SEMA6D: variants seen among roughly 807,000 people sequenced by gnomAD.
SEMA6D encodes semaphorin-6D.
A neutral mutation model predicts 106.6 loss-of-function variants in SEMA6D; 35 were observed. That is an observed-to-expected ratio of 0.33 (90% CI 0.25 to 0.44). The LOEUF is 0.44. SEMA6D is among the 20% of genes least tolerant of loss of function. The pLI, the probability that SEMA6D is intolerant of heterozygous loss-of-function variation, is 1.00. For synonymous variants in SEMA6D, 499 were observed against 487.7 expected, an observed-to-expected ratio of 1.02 and a Z score of -0.31; for missense variants, 1,185 against 1,345.9, an observed-to-expected ratio of 0.88 and a Z score of 1.87.
chr15:47,731,644 A>G (rs1480801892), intron 1 of SEMA6D, among the ~76,000 whole-genome samples: 3 of 152,346 alleles, frequency 2.0e-5, no homozygotes, highest in Middle Eastern at 3.4e-3. Flanking sequence ...GTAACTTCCA[A>G]TGCATAAAAA....
intron 1 of SEMA6D, among the ~76,000 whole-genome samples, chr15:47,233,984 G>T (rs942746843): frequency 9.9e-5 from 15 of 151,946 alleles, no homozygotes; most frequent in African/African-American, 3.6e-4. Flanking sequence ...GGACATTCTT[G>T]CTGTGTCCCT....
intron 4 of SEMA6D, among the ~76,000 whole-genome samples, chr15:47,661,186 G>C (rs919135402): frequency 6.6e-6 from 1 of 152,152 alleles, no homozygotes; most frequent in African/African-American, 2.4e-5. Context: ...ATTCCCTGGG[G>C]AAACTGTTTC....
In SEMA6D at chr15:47,217,200, A is replaced by G. The variant is rs570328017; in HGVS notation, c.-239+32782A>G. Among the ~76,000 whole-genome samples the G allele has an allele frequency of 5.3e-5, 8 of 152,282 alleles. No homozygotes were observed. The South Asian group carries it at 1.7e-3, about 32-fold the overall frequency. Reference sequence around the variant, plus strand: ...TTTGTTATAGCAGCCCAAATAGACTAAGACAGAAGCCATGTCAGACATTAT... The same window carrying G: ...TTTGTTATAGCAGCCCAAATAGACTGAGACAGAAGCCATGTCAGACATTAT... On this transcript the variant is annotated intron_variant, in intron 1 of 19. Coordinates refer to the SEMA6D transcript ENST00000558014.
chr15:47,548,910 T>TACAAAATATAATATCAGTATTATC (rs1381856686), intron 3 of SEMA6D, among the ~76,000 whole-genome samples: 7 of 152,104 alleles, frequency 4.6e-5, no homozygotes, highest in African/African-American at 1.7e-4. Context: ...TTAGTATTAT[T>TACAAAATATAATATCAGTATTATC]ACTAAATATA....
At chr15:47,426,107 T>G (rs2041328958) in intron 2 of SEMA6D, among the ~76,000 whole-genome samples, 1 of 152,172 alleles carries the variant, frequency 6.6e-6, no homozygotes, top group African/African-American at 2.4e-5. Context: ...TTTGATAGGT[T>G]TCCAAATTCT....
chr15:47,552,012 T>A (rs1029535768), intron 3 of SEMA6D, among the ~76,000 whole-genome samples: 1 of 151,734 alleles, frequency 6.6e-6, no homozygotes, highest in Non-Finnish European at 1.5e-5. Flanking sequence ...CTTGTGGGCT[T>A]GTGGGACTCC....
intron 1 of SEMA6D, among the ~76,000 whole-genome samples, chr15:47,211,135 A>G (rs992743725): frequency 2.0e-5 from 3 of 152,174 alleles, no homozygotes. Flanking sequence ...TAATAATATA[A>G]TAATGATTGC....
chr15:47,293,340 T>A (rs975973371), intron 1 of SEMA6D, among the ~76,000 whole-genome samples: 3 of 152,222 alleles, frequency 2.0e-5, no homozygotes, highest in South Asian at 4.1e-4. Flanking sequence ...TTGGTCTTAT[T>A]CTTTAATTCC....
At chr15:47,466,370 C>A (rs1371478679) in intron 2 of SEMA6D, among the ~76,000 whole-genome samples, 3 of 152,126 alleles carry the variant, frequency 2.0e-5, no homozygotes, top group Non-Finnish European at 4.4e-5. Context: ...ATAGGTTAGG[C>A]TTCTTTAGTT....
intron 1 of SEMA6D, among the ~76,000 whole-genome samples, chr15:47,231,892 A>C (rs2141586040): frequency 6.6e-6 from 1 of 152,120 alleles, no homozygotes; most frequent in East Asian, 1.9e-4. Context: ...TTAAAGTATG[A>C]ATAATTCAGT....
chr15:47,373,304 G>A (rs1370417143), intron 1 of SEMA6D, among the ~76,000 whole-genome samples: 1 of 152,146 alleles, frequency 6.6e-6, no homozygotes, highest in Non-Finnish European at 1.5e-5. Flanking sequence ...TCTCCACCCT[G>A]CCTTTGCGTG....
intron 1 of SEMA6D, among the ~76,000 whole-genome samples, chr15:47,270,676 T>G (rs2034520441): frequency 6.6e-6 from 1 of 152,176 alleles, no homozygotes; most frequent in African/African-American, 2.4e-5. Context: ...CATCTATGAA[T>G]GGATCAACCC....
chr15:47,551,610 C>G (rs1394000140), intron 3 of SEMA6D, among the ~76,000 whole-genome samples: 1 of 151,286 alleles, frequency 6.6e-6, no homozygotes, highest in African/African-American at 2.4e-5. Context: ...TTCCAATACA[C>G]AGGGCAAATA....
intron 4 of SEMA6D, among the ~76,000 whole-genome samples, chr15:47,692,110 G>C (rs1199606844): frequency 6.6e-6 from 1 of 152,134 alleles, no homozygotes; most frequent in South Asian, 2.1e-4. Context: ...AGAGTGGCCA[G>C]AGCACAATGA....
intron 2 of SEMA6D, among the ~76,000 whole-genome samples, chr15:47,436,624 G>A (rs1230225267): frequency 6.6e-6 from 1 of 150,592 alleles, no homozygotes; most frequent in Admixed American, 6.6e-5. Context: ...ATTACTTGGT[G>A]CCAACATTAA....
intron 2 of SEMA6D, among the ~76,000 whole-genome samples, chr15:47,448,520 C>T (rs956264660): frequency 6.6e-6 from 1 of 152,064 alleles, no homozygotes; most frequent in African/African-American, 2.4e-5. Context: ...AACCTGGCAC[C>T]TTGTTGGAGC....
intron 3 of SEMA6D, chr15:47,525,598 A>C (rs2141993608): frequency 6.6e-6 from 1 of 152,354 alleles, no homozygotes; most frequent in South Asian, 2.1e-4. Flanking sequence ...GTTGAAAATA[A>C]GTATAATCAT....
At chr15:47,650,259 A>C (rs913576212) in intron 4 of SEMA6D, among the ~76,000 whole-genome samples, 4 of 152,184 alleles carry the variant, frequency 2.6e-5, no homozygotes, top group African/African-American at 9.6e-5. Context: ...ACTGGACACT[A>C]TCTCATCTAA....
intron 1 of SEMA6D, among the ~76,000 whole-genome samples, chr15:47,732,177 G>GA (rs567027537): frequency 2.4e-4 from 36 of 152,192 alleles, no homozygotes; most frequent in Non-Finnish European, 3.8e-4. Context: ...CAGGTAAGAG[G>GA]AAACCTAATT....
Sources: gnomAD v4.1 joint callset for allele counts (sites outside exome capture counted in the v4.1 genomes callset) on GRCh38, gnomAD v4.1.1 for gene constraint, MANE v1.5 for transcripts, NCBI Gene and HGNC (gene_info 2026-07-23, HGNC 2026-07-21) for gene names.